CSMD3: variants seen among roughly 807,000 people sequenced by gnomAD.
The protein encoded by CSMD3 is CUB and Sushi multiple domains 3.
Under a neutral mutation model 435.2 loss-of-function variants are expected in CSMD3, and 177 were observed. The observed-to-expected ratio is 0.41, with a 90% CI of 0.36 to 0.46. The LOEUF (loss-of-function observed/expected upper bound fraction) is 0.46, where lower values mean the gene tolerates loss of function less well. CSMD3 is among the 20% of genes least tolerant of loss of function. The pLI is 0.34. For missense variants in CSMD3, 4,265 were observed against 4,504.6 expected, an observed-to-expected ratio of 0.95 and a Z score of 1.52; for synonymous variants, 1,656 against 1,520.5, an observed-to-expected ratio of 1.09 and a Z score of -2.07.
intron 1 of CSMD3, among the ~76,000 whole-genome samples, chr8:113,345,530 G>C (rs1206805095): frequency 6.6e-6 from 1 of 152,032 alleles, no homozygotes; most frequent in Non-Finnish European, 1.5e-5. Flanking sequence ...ATTTCCATAT[G>C]CTTAAGCAAT....
chr8:112,467,398 T>C (rs1005860181), intron 32 of CSMD3, among the ~76,000 whole-genome samples: 5 of 152,174 alleles, frequency 3.3e-5, no homozygotes, highest in South Asian at 2.1e-4. Context: ...CCATCGACTA[T>C]ACTGGATATC....
At chr8:112,533,718 C>T (rs1305459522) in intron 27 of CSMD3, among the ~76,000 whole-genome samples, 2 of 152,000 alleles carry the variant, frequency 1.3e-5, no homozygotes, top group African/African-American at 4.8e-5. Flanking sequence ...ATCATCCAGA[C>T]AGAAAATCAG....
intron 45 of CSMD3, among the ~76,000 whole-genome samples, chr8:112,321,231 A>G (rs1333005824): frequency 6.6e-6 from 1 of 152,202 alleles, no homozygotes; most frequent in African/African-American, 2.4e-5. Flanking sequence ...GCTGATAAAG[A>G]GAATGAGACT....
intron 1 of CSMD3, among the ~76,000 whole-genome samples, chr8:113,368,676 T>G (rs1563752535): frequency 6.6e-6 from 1 of 152,184 alleles, no homozygotes; most frequent in East Asian, 1.9e-4. Flanking sequence ...GCAAAGCAAG[T>G]GATGCCCTGA....
chr8:113,013,105 A>G (rs560584564), intron 6 of CSMD3, among the ~76,000 whole-genome samples: 1 of 152,176 alleles, frequency 6.6e-6, no homozygotes, highest in Non-Finnish European at 1.5e-5. Flanking sequence ...CCTGTGCTCT[A>G]TTTTTAAGCC....
chr8:112,504,846 G>A (rs1822340212), intron 29 of CSMD3, among the ~76,000 whole-genome samples: 1 of 152,064 alleles, frequency 6.6e-6, no homozygotes, highest in South Asian at 2.1e-4. Context: ...GAAATATGGG[G>A]TAAAGGATAG....
chr8:112,570,648 A>G (rs1271039306), intron 24 of CSMD3, among the ~76,000 whole-genome samples: 1 of 152,222 alleles, frequency 6.6e-6, no homozygotes, highest in African/African-American at 2.4e-5. Context: ...AGATAGTTGC[A>G]GATATGCAGA....
At chr8:112,894,848 T>C (rs1205237278) in intron 10 of CSMD3, among the ~76,000 whole-genome samples, 4 of 150,794 alleles carry the variant, frequency 2.7e-5, no homozygotes, top group Non-Finnish European at 5.9e-5. Context: ...ATAAAGAGAA[T>C]TGAAAAAAAA....
At chr8:113,078,666 G>C (rs1202966834) in intron 5 of CSMD3, among the ~76,000 whole-genome samples, 1 of 152,098 alleles carries the variant, frequency 6.6e-6, no homozygotes. Flanking sequence ...TTTTAATGAA[G>C]GTAGAAATCT....
At chr8:113,098,415 G>C (rs550356624) in intron 5 of CSMD3, 1 of 250,020 alleles carries the variant, frequency 4.0e-6, no homozygotes, top group Admixed American at 5.1e-5. Context: ...CAGATAACAA[G>C]GTATATAACA....
At chr8:112,611,035 T>C (rs1461450114) in intron 22 of CSMD3, among the ~76,000 whole-genome samples, 3 of 152,158 alleles carry the variant, frequency 2.0e-5, no homozygotes, top group Admixed American at 2.0e-4. Context: ...ATTTTTAAGA[T>C]GTGAGAGGAT....
intron 3 of CSMD3, among the ~76,000 whole-genome samples, chr8:113,278,195 T>C (rs2093586125): frequency 1.3e-5 from 2 of 151,810 alleles, no homozygotes; most frequent in Non-Finnish European, 2.9e-5. Flanking sequence ...TCAACTCTTG[T>C]CTCTTTCTGA....
chr8:112,437,085 G>C (rs2130460327), intron 32 of CSMD3, among the ~76,000 whole-genome samples: 1 of 151,988 alleles, frequency 6.6e-6, no homozygotes, highest in East Asian at 1.9e-4. Flanking sequence ...GAAATTCACT[G>C]GATTTATATA....
At chr8:113,090,906 C>A (rs1187049771) in intron 5 of CSMD3, among the ~76,000 whole-genome samples, 1 of 152,132 alleles carries the variant, frequency 6.6e-6, no homozygotes, top group African/African-American at 2.4e-5. Context: ...ATATCCTAAC[C>A]TACCACCTCT....
At chr8:112,670,679 G>C (rs2075635721) in intron 16 of CSMD3, among the ~76,000 whole-genome samples, 1 of 152,120 alleles carries the variant, frequency 6.6e-6, no homozygotes, top group African/African-American at 2.4e-5. Context: ...ATGTGCAATA[G>C]GGTGGATGGT....
At chr8:113,289,801 A>C (rs1242316098) in intron 2 of CSMD3, among the ~76,000 whole-genome samples, 2 of 151,750 alleles carry the variant, frequency 1.3e-5, no homozygotes, top group Non-Finnish European at 3.0e-5. Flanking sequence ...ACGATTCTAC[A>C]AATGCATGCT....
intron 12 of CSMD3, among the ~76,000 whole-genome samples, chr8:112,810,532 T>C (rs943285635): frequency 1.3e-5 from 2 of 152,116 alleles, no homozygotes; most frequent in African/African-American, 4.8e-5. Flanking sequence ...ACTGTTATTA[T>C]AATTAAATTA....
At chr8:112,438,813 C>T (rs1023706325) in intron 32 of CSMD3, among the ~76,000 whole-genome samples, 3 of 152,134 alleles carry the variant, frequency 2.0e-5, no homozygotes, top group Non-Finnish European at 2.9e-5. Context: ...ATTATAACCC[C>T]ATATAGCTAC....
At chr8:112,406,405 T>C (rs946475997) in intron 35 of CSMD3, 119 bp downstream of exon 35, 5 of 562,820 alleles carry the variant, frequency 8.9e-6, no homozygotes, top group Non-Finnish European at 1.5e-5. Flanking sequence ...AGCATACTTA[T>C]TAAATTATTT....
Sources: gnomAD v4.1 joint callset for allele counts (sites outside exome capture counted in the v4.1 genomes callset) on GRCh38, gnomAD v4.1.1 for gene constraint, MANE v1.5 for transcripts, NCBI Gene and HGNC (gene_info 2026-07-23, HGNC 2026-07-21) for gene names.